SASH1: variants seen among roughly 807,000 people sequenced by gnomAD.
The protein encoded by SASH1 is SAM and SH3 domain-containing protein 1.
A neutral mutation model predicts 125.2 loss-of-function variants in SASH1; 44 were observed. The observed-to-expected ratio is 0.35, with a 90% CI of 0.28 to 0.45. The LOEUF is 0.45. Ranked by LOEUF, SASH1 falls within the 20% of genes least tolerant of loss-of-function variation. The pLI, the probability that SASH1 is intolerant of heterozygous loss-of-function variation, is 1.00. For missense variants in SASH1, 1,426 were observed against 1,614.5 expected (o/e 0.88, Z 2.00); for synonymous variants, 639 against 649.1 (o/e 0.98, Z 0.24).
intron 1 of SASH1, among the ~76,000 whole-genome samples, chr6:148,276,771 A>G (rs1156568576): frequency 6.6e-6 from 1 of 152,094 alleles, no homozygotes; most frequent in Non-Finnish European, 1.5e-5. Flanking sequence ...TGCCTTGTGT[A>G]GTTCCAAGTA....
At chr6:148,435,236 G>C (rs919719490) in intron 2 of SASH1, among the ~76,000 whole-genome samples, 1 of 151,910 alleles carries the variant, frequency 6.6e-6, no homozygotes, top group Admixed American at 6.6e-5. Flanking sequence ...AAATTATCTG[G>C]GCGTGGTGGT....
the SASH1 span, among the ~76,000 whole-genome samples, chr6:148,261,389 G>T: frequency 1.3e-5 from 2 of 152,088 alleles, no homozygotes; most frequent in African/African-American, 4.8e-5. Flanking sequence ...TAAAACATGT[G>T]CCTCTCTCCC....
At chr6:148,296,327 T>C (rs146541365) in intron 1 of SASH1, among the ~76,000 whole-genome samples, 6,598 of 152,274 alleles carry the variant, frequency 0.043, 163 homozygotes, top group Middle Eastern at 0.071. Context: ...GGTTTCGCCA[T>C]GTTGGCCAGG....
chr6:148,237,477 A>G, the SASH1 span: 2 of 152,204 alleles, frequency 1.3e-5, no homozygotes, highest in African/African-American at 4.8e-5. Context: ...AACTATGCCC[A>G]GGGTTTATGA....
At chr6:148,496,830 A>G (rs553786225) in intron 8 of SASH1, among the ~76,000 whole-genome samples, 4 of 152,036 alleles carry the variant, frequency 2.6e-5, no homozygotes, top group Non-Finnish European at 5.9e-5. Context: ...CTATGATTGT[A>G]CCACTGCACT....
intron 4 of SASH1, among the ~76,000 whole-genome samples, chr6:148,446,008 T>C (rs1421022641): frequency 1.3e-5 from 2 of 151,418 alleles, no homozygotes; most frequent in Non-Finnish European, 2.9e-5. Flanking sequence ...TTGGGTCACT[T>C]GACCACCATA....
intron 1 of SASH1, among the ~76,000 whole-genome samples, chr6:148,345,395 G>C (rs1332805915): frequency 6.6e-6 from 1 of 152,206 alleles, no homozygotes; most frequent in African/African-American, 2.4e-5. Context: ...CAGGAGCAAA[G>C]AAAATATGTA....
At chr6:148,223,009 A>T in the SASH1 span, among the ~76,000 whole-genome samples, 1 of 152,238 alleles carries the variant, frequency 6.6e-6, no homozygotes, top group Non-Finnish European at 1.5e-5. Context: ...GATGGACAGT[A>T]ACTAAATGTT....
intron 2 of SASH1, among the ~76,000 whole-genome samples, chr6:148,391,422 TAAAAAAA>T (rs398038813): frequency 8.7e-6 from 1 of 114,406 alleles, no homozygotes; most frequent in East Asian, 2.6e-4. Flanking sequence ...GACACTTTTA[TAAAAAAA>T]AAAAAAAAAA....
Position 148,501,888 on chromosome 6 carries a change from G to A in SASH1, c.730-12436G>A, listed in dbSNP as rs73015018. 9.1e-3 allele frequency among the ~76,000 whole-genome samples: 1,384 copies of A among 152,260 alleles called. 13 individuals are homozygous for A. Among genetic ancestry groups the A allele is most frequent in the South Asian group, 0.034 (162 of 4,826 alleles). On this transcript the variant is annotated intron_variant, in intron 8 of 19. Coordinates refer to ENST00000367467, the MANE Select transcript of SASH1 (RefSeq NM_015278.5). ...TTTTCTCCCTTCTCCTCATGGGGGC[G>A]ATTAAAAACGATTCAAAGTTCATGA... is the stretch of plus-strand genomic sequence containing the variant.
chr6:148,281,328 T>C (rs1247784414), intron 1 of SASH1, among the ~76,000 whole-genome samples: 7 of 152,008 alleles, frequency 4.6e-5, no homozygotes, highest in Non-Finnish European at 1.5e-5. Flanking sequence ...GGCAAACGAT[T>C]TCCGACCTAG....
the SASH1 span, among the ~76,000 whole-genome samples, chr6:148,223,410 G>A: frequency 6.6e-5 from 10 of 152,234 alleles, no homozygotes; most frequent in Non-Finnish European, 1.5e-5. Context: ...TGCTTTGTCT[G>A]AAAAGATGCA....
intron 7 of SASH1, among the ~76,000 whole-genome samples, chr6:148,476,890 G>T (rs1362994143): frequency 1.3e-5 from 2 of 152,104 alleles, no homozygotes; most frequent in African/African-American, 2.4e-5. Flanking sequence ...GAATAGAATA[G>T]AGAGCCCGGA....
At chr6:148,239,837 G>A in the SASH1 span, 4 of 151,820 alleles carry the variant, frequency 2.6e-5, no homozygotes, top group Non-Finnish European at 5.9e-5. Context: ...TAGCTAGGAC[G>A]CCTAGGGAAC....
intron 1 of SASH1, among the ~76,000 whole-genome samples, chr6:148,304,468 G>A (rs1271537203): frequency 6.9e-6 from 1 of 144,420 alleles, no homozygotes; most frequent in Non-Finnish European, 1.5e-5. Flanking sequence ...AAAATTAGCC[G>A]GGCATGGTGG....
rs1323333486 is a variant in SASH1 at position 148,551,073 on chromosome 6, G to T, written c.*2515G>T. The T allele has an allele frequency of 6.6e-6, 1 of 152,616 alleles. No individual in the cohort carries two copies. The highest frequency in any genetic ancestry group is 1.9e-4 in the East Asian group (1 of 5,204). The allele number at this position is 152,616 out of a possible 1,614,324, so 9.5% of individuals were successfully genotyped here. On this transcript the variant is annotated 3_prime_UTR_variant, in exon 20 of 20. Coordinates refer to ENST00000367467, the MANE Select transcript of SASH1 (RefSeq NM_015278.5). ...ACCACAAAGAATTTTCAGTGGGAAT[G>T]TCTAGTCTGAGGGGTCTGAGGTTGT...
chr6:148,350,191 A>T (rs935379945), intron 1 of SASH1, among the ~76,000 whole-genome samples: 1 of 152,122 alleles, frequency 6.6e-6, no homozygotes, highest in East Asian at 1.9e-4. Flanking sequence ...ACAGCGCCTC[A>T]CACCTGTAAT....
At chr6:148,332,265 C>G (rs1353934951) in intron 1 of SASH1, among the ~76,000 whole-genome samples, 2 of 152,160 alleles carry the variant, frequency 1.3e-5, no homozygotes, top group African/African-American at 4.8e-5. Flanking sequence ...TCCTTGAAGT[C>G]AGTTCCCCCA....
intron 1 of SASH1, among the ~76,000 whole-genome samples, chr6:148,360,141 T>C (rs763207986): frequency 2.6e-5 from 4 of 152,114 alleles, no homozygotes; most frequent in African/African-American, 4.8e-5. Flanking sequence ...CTTTACTGAT[T>C]CCTACATGGC....
Sources: allele counts gnomAD v4.1 joint callset (sites outside exome capture counted in the v4.1 genomes callset), GRCh38; gene constraint gnomAD v4.1.1; transcripts MANE v1.5; gene names NCBI Gene and HGNC (gene_info 2026-07-23, HGNC 2026-07-21).